SASH1: variants seen among roughly 807,000 people sequenced by gnomAD.
SASH1 encodes the protein SAM and SH3 domain containing 1, also known as SAM and SH3 domain-containing protein 1.
In SASH1, 44 loss-of-function variants were observed where a neutral mutation model predicts 125.2. The observed-to-expected ratio is 0.35, with a 90% CI of 0.28 to 0.45. SASH1 has a LOEUF of 0.45. Among genes scored for constraint, SASH1 ranks in the 20% least tolerant of loss-of-function variants. SASH1 has a pLI of 1.00. For synonymous variants in SASH1, 639 were observed against 649.1 expected (o/e 0.98, Z 0.24); for missense variants, 1,426 against 1,614.5 (o/e 0.88, Z 2.00).
At chr6:148,477,532 A>C (rs925588347) in intron 7 of SASH1, among the ~76,000 whole-genome samples, 4 of 135,264 alleles carry the variant, frequency 3.0e-5, no homozygotes, top group Non-Finnish European at 6.2e-5. Context: ...ACCCCAATTA[A>C]AATGGCTTTG....
chr6:148,481,891 G>A (rs911318302), intron 7 of SASH1, among the ~76,000 whole-genome samples: 25 of 152,178 alleles, frequency 1.6e-4, no homozygotes, highest in Non-Finnish European at 3.5e-4. Flanking sequence ...TGATAAACTC[G>A]TTCGATGCAG....
At chr6:148,496,215 G>A (rs936791307) in intron 8 of SASH1, among the ~76,000 whole-genome samples, 3 of 152,122 alleles carry the variant, frequency 2.0e-5, no homozygotes, top group Admixed American at 1.3e-4. Context: ...TTTTAATGGT[G>A]TTTACTTTTT....
rs114345258 is a variant in SASH1, at chr6:148,473,724, C to T, written c.515-386C>T. ...CTAATGGAAGGACACAAAGAACCCACAGCTGAAGGAGCCTTGGAATGCTTG... is the reference window on the plus strand; with the variant it reads ...CTAATGGAAGGACACAAAGAACCCATAGCTGAAGGAGCCTTGGAATGCTTG... On this transcript the variant is annotated intron_variant, in intron 6 of 19. Coordinates refer to ENST00000367467, the MANE Select transcript of SASH1 (RefSeq NM_015278.5). 4.1e-3 allele frequency among the ~76,000 whole-genome samples: 617 copies of T among 152,324 alleles called. 6 individuals carry two copies. Among genetic ancestry groups the T allele is most frequent in the African/African-American group, 0.014 (579 of 41,572 alleles).
At chr6:148,283,853 A>C (rs1008169222) in intron 1 of SASH1, among the ~76,000 whole-genome samples, 2 of 152,068 alleles carry the variant, frequency 1.3e-5, no homozygotes, top group Admixed American at 1.3e-4. Flanking sequence ...TTCCTCATCT[A>C]CATCTGGTCT....
chr6:148,201,546 A>T, the SASH1 span, among the ~76,000 whole-genome samples: 2 of 152,152 alleles, frequency 1.3e-5, no homozygotes, highest in African/African-American at 4.8e-5. Flanking sequence ...GTTGCCAGGC[A>T]ATGCCGATAC....
At chr6:148,342,568 G>A (rs1278342664), upstream of SASH1, 1 of 152,174 alleles carries the variant, frequency 6.6e-6, no homozygotes, top group South Asian at 2.1e-4. Context: ...TCGAGGGAGA[G>A]AGTCATGTGG....
chr6:148,250,921 C>A, the SASH1 span, among the ~76,000 whole-genome samples: 1 of 152,184 alleles, frequency 6.6e-6, no homozygotes, highest in Non-Finnish European at 1.5e-5. Context: ...TTGTGCCGGT[C>A]TCTGAAGGAC....
Position 148,532,992 on chromosome 6 carries a change from A to C in SASH1, c.1734+26A>C. 6.2e-7 allele frequency: 1 copy of C among 1,610,814 alleles called. No homozygotes were observed. The highest frequency in any genetic ancestry group is 8.5e-7 in the Non-Finnish European group (1 of 1,177,420). On this transcript the variant is annotated intron_variant, in intron 14 of 19. Transcript: ENST00000367467. The surrounding 1 kb of genome is among the most constrained non-coding windows in gnomAD (Gnocchi z 4.7). ...GTATCTCTCTCCCTGGCCTCAGAGC[A>C]GCTAACTGGGCTCTTCCATTTCTCT... is the stretch of plus-strand genomic sequence containing the variant.
intron 1 of SASH1, among the ~76,000 whole-genome samples, chr6:148,282,016 C>T (rs946602647): frequency 2.6e-5 from 4 of 152,292 alleles, no homozygotes; most frequent in African/African-American, 9.6e-5. Context: ...CATGTCAGCA[C>T]TGGTATAAAT....
chr6:148,199,386 A>AC, the SASH1 span, among the ~76,000 whole-genome samples: 3 of 149,760 alleles, frequency 2.0e-5, no homozygotes, highest in African/African-American at 7.4e-5. Context: ...AAAAAAAAAA[A>AC]AAAAACTGAG....
chr6:148,409,185 A>G (rs1367431379), intron 2 of SASH1, among the ~76,000 whole-genome samples: 1 of 152,120 alleles, frequency 6.6e-6, no homozygotes, highest in Non-Finnish European at 1.5e-5. Flanking sequence ...GCCAAATTCT[A>G]AGCATCTGGA....
the SASH1 span, among the ~76,000 whole-genome samples, chr6:148,212,925 G>T: frequency 6.6e-6 from 1 of 152,144 alleles, no homozygotes; most frequent in South Asian, 2.1e-4. Flanking sequence ...GATGGGGACG[G>T]TAGAGCAGCA....
At position 148,430,692 on chromosome 6, in the gene SASH1, A is replaced by T. The variant is rs77645923; in HGVS notation, c.286-9492A>T. Among the ~76,000 whole-genome samples the T allele has an allele frequency of 4.7e-3, 716 of 152,282 alleles. 5 individuals carry two copies. Among genetic ancestry groups the T allele is most frequent in the African/African-American group, 0.016 (668 of 41,562 alleles). ...AAGCAGTGAGTTTCTCAAACAATAC[A>T]CATCACTGGGGAATTTTGGCAAATT... On this transcript the variant is annotated intron_variant, in intron 2 of 19. Transcript: ENST00000367467.
intron 7 of SASH1, chr6:148,478,952 G>T: frequency 6.1e-6 from 1 of 163,480 alleles, no homozygotes. Flanking sequence ...AAGTGCATAT[G>T]AGAAGTATGG....
At chr6:148,538,706 C>T (rs1782028103) in intron 16 of SASH1, among the ~76,000 whole-genome samples, 1 of 152,230 alleles carries the variant, frequency 6.6e-6, no homozygotes, top group African/African-American at 2.4e-5. Context: ...CTGCCAGAGC[C>T]TTCTGCCTCC....
chr6:148,330,667 C>T (rs1322288407), intron 1 of SASH1, among the ~76,000 whole-genome samples: 1 of 152,170 alleles, frequency 6.6e-6, no homozygotes, highest in Non-Finnish European at 1.5e-5. Flanking sequence ...CTCACTGCAA[C>T]CTCCACTTCC....
intron 4 of SASH1, among the ~76,000 whole-genome samples, chr6:148,441,928 T>G (rs965690345): frequency 2.0e-5 from 3 of 152,214 alleles, no homozygotes; most frequent in Non-Finnish European, 2.9e-5. Flanking sequence ...GCCCACTGTC[T>G]CCATTTGTAA....
At chr6:148,271,130 G>A (rs180739807), upstream of SASH1, among the ~76,000 whole-genome samples, 65 of 152,042 alleles carry the variant, frequency 4.3e-4, no homozygotes, top group Admixed American at 1.3e-3. Flanking sequence ...GGCTGGTCTC[G>A]AACTCCTGAC....
upstream of SASH1, among the ~76,000 whole-genome samples, chr6:148,269,308 T>C (rs139006492): frequency 0.01 from 1,528 of 152,042 alleles, 18 homozygotes; most frequent in Non-Finnish European, 0.016. Context: ...TTTTTTTTTC[T>C]GGGATACGGT....
Sources: gnomAD v4.1 joint callset for allele counts (sites outside exome capture counted in the v4.1 genomes callset) on GRCh38, gnomAD v4.1.1 for gene constraint, Gnocchi (gnomAD v3.1) non-coding constraint, MANE v1.5 for transcripts, NCBI Gene and HGNC (gene_info 2026-07-23, HGNC 2026-07-21) for gene names.